SCRIB: variants seen among roughly 807,000 people sequenced by gnomAD.
The protein encoded by SCRIB is scribble planar cell polarity protein.
In SCRIB, 72 loss-of-function variants were observed where a neutral mutation model predicts 170.0. The observed-to-expected ratio is 0.42, with a 90% CI of 0.35 to 0.52. The LOEUF (loss-of-function observed/expected upper bound fraction) is 0.52, where lower values mean the gene tolerates loss of function less well. Ranked by LOEUF, SCRIB falls within the 20% of genes least tolerant of loss-of-function variation. The pLI is 0.02. For missense variants in SCRIB, 2,475 were observed against 2,338.5 expected, an observed-to-expected ratio of 1.06 and a Z score of -1.20; for synonymous variants, 1,298 against 1,044.3, an observed-to-expected ratio of 1.24 and a Z score of -4.68.
In SCRIB at chr8:143,792,298, G is replaced by C. The variant is rs782761554; in HGVS notation, c.4436C>G (p.Pro1479Arg). 10 of 1,559,212 alleles carry C rather than the reference G, an allele frequency of 6.4e-6. No homozygotes were observed. Among genetic ancestry groups the C allele is most frequent in the Non-Finnish European group, 7.8e-6 (9 of 1,160,020 alleles). The change falls in exon 32 of 37, where the codon CCG (proline) becomes CGG (arginine). Residue 1479 changes from proline to arginine, a missense_variant. This residue lies in a region of SCRIB where 1,966 missense variants were observed against 1,742.9 expected (regional missense o/e 1.13). Transcript: ENST00000356994. ...ERLRVQSPEP[P>R]APERALSPAE... ...AGGGGACAGGGCACGCTCGGGTGCC[G>C]GTGGCTCCGGACTCTGCACGCGCAG...
In SCRIB at chr8:143,795,129, C is replaced by T. The variant is rs782813752; in HGVS notation, c.3772-17G>A. The T allele has an allele frequency of 3.1e-6, 5 of 1,609,940 alleles. No homozygotes were observed. In the Admixed American group the frequency reaches 8.4e-5, roughly 27 times the overall value. On this transcript the variant is annotated splice_polypyrimidine_tract_variant and intron_variant, in intron 26 of 36. Coordinates refer to ENST00000356994, the MANE Select transcript of SCRIB (RefSeq NM_182706.5). Reference sequence around the variant, plus strand: ...ACCCCGACCCTGGGGGCAGAGTGAACACAGCACTAGCAGGGGTAGCTCCGT... The same window carrying T: ...ACCCCGACCCTGGGGGCAGAGTGAATACAGCACTAGCAGGGGTAGCTCCGT...
In SCRIB at chr8:143,795,116, G is replaced by T; in HGVS notation, c.3772-4C>A. 6.2e-7 allele frequency: 1 copy of T among 1,610,894 alleles called. No individual in the cohort carries two copies. The highest frequency in any genetic ancestry group is 1.3e-5 in the African/African-American group (1 of 75,000). ...TCAGGGGCTGCAGACCCCGACCCTG[G>T]GGGCAGAGTGAACACAGCACTAGCA... On this transcript the variant is annotated splice_region_variant and splice_polypyrimidine_tract_variant and intron_variant, in intron 26 of 36. Coordinates refer to ENST00000356994, the MANE Select transcript of SCRIB (RefSeq NM_182706.5).
At chr8:143,814,859 G>A (rs200620243) in intron 1 of SCRIB, 2 of 276,330 alleles carry the variant, frequency 7.2e-6, no homozygotes, top group Non-Finnish European at 1.4e-5. Context: ...AAGGAGAGGA[G>A]GTCTGGACCC....
intron 14 of SCRIB, 87 bp downstream of exon 14, chr8:143,809,464 C>T: frequency 6.8e-7 from 1 of 1,474,436 alleles, no homozygotes; most frequent in Non-Finnish European, 9.2e-7. Context: ...CTGCCTGCAC[C>T]AAAACCGATC....
At chr8:143,807,745 C>G (rs556588889) in intron 15 of SCRIB, 131 bp from the exon 16 acceptor site, 12 of 751,902 alleles carry the variant, frequency 1.6e-5, no homozygotes, top group East Asian at 1.0e-4. Context: ...TGCCCTGGCA[C>G]GGGCGCCTCC....
chr8:143,803,366 G>A lies in SCRIB; in HGVS notation c.3603+17C>T, dbSNP rs531900268. 53 of 1,543,378 alleles carry A rather than the reference G, an allele frequency of 3.4e-5. No individual in the cohort carries two copies. The South Asian group carries it at 4.2e-4, about 12-fold the overall frequency. ...TGGGCCAGAGGGAGGCCCGGTCCCC[G>A]GGGCGGGATCGCTAACCTCCAGGGC... is the stretch of plus-strand genomic sequence containing the variant. On this transcript the variant is annotated intron_variant, in intron 24 of 36. Transcript: ENST00000356994.
Position 143,792,503 on chromosome 8 carries a change from C to T in SCRIB, c.4310G>A (p.Ser1437Asn), listed in dbSNP as rs1338922997. ...TGCTCACCTTGAGGTGGGGCTCGGG[C>T]TGGCCCAGGGTGGCTGCTCATCCTC... ...EQEDEQPPWA[S>N]PSPTSRQSPA... is the part of the protein sequence containing the mutation. The change falls in exon 31 of 37, where the codon AGC becomes AAC. Residue 1437 changes from serine to asparagine, a missense_variant. Ser to Asn is a conservative substitution (Grantham distance 46). This residue lies in a region of SCRIB where 1,966 missense variants were observed against 1,742.9 expected (regional missense o/e 1.13). Transcript: ENST00000356994. The T allele has an allele frequency of 1.7e-5, 26 of 1,550,336 alleles. No individual in the cohort carries two copies. The highest frequency in any genetic ancestry group is 2.3e-5 in the Non-Finnish European group (26 of 1,154,182).
Position 143,804,255 on chromosome 8 carries a change from G to A in SCRIB, c.3010-99C>T, listed in dbSNP as rs1297661158. The stretch of plus-strand genomic sequence containing the variant: ...CCGTCCCGGTCCTTGGGGATGGCGG[G>A]CGGGGGCTGCCCTAATGCCCACGGG... On this transcript the variant is annotated intron_variant, in intron 21 of 36. Transcript: ENST00000356994. 13 of 910,444 alleles carry A rather than the reference G, an allele frequency of 1.4e-5. No homozygotes were observed. In the Admixed American group the frequency reaches 3.7e-4, roughly 26 times the overall value. The allele number at this position is 910,444 out of a possible 1,614,324, so 56.4% of individuals were successfully genotyped here.
chr8:143,815,132 A>G (rs2130176489), intron 1 of SCRIB, 82 bp downstream of exon 1: 1 of 1,386,348 alleles, frequency 7.2e-7, no homozygotes, highest in Non-Finnish European at 9.4e-7. Context: ...GGCTGCGGTG[A>G]CTCGCCCGGG....
At chr8:143,809,456 G>A (rs1815601775) in intron 14 of SCRIB, 95 bp downstream of exon 14, 1 of 1,392,414 alleles carries the variant, frequency 7.2e-7, no homozygotes, top group East Asian at 2.3e-5. Context: ...CCCAGGCACT[G>A]CCTGCACCAA....
rs1267230125 is a variant in SCRIB at position 143,812,297 on chromosome 8, G to C, written c.875C>G (p.Ser292Cys). The change falls in exon 9 of 37, where the codon TCT (serine) becomes TGT (cysteine). Residue 292 changes from serine (S) to cysteine (C), a missense_variant. Ser to Cys is a moderately radical substitution (Grantham distance 112). This residue lies in a region of SCRIB where 487 missense variants were observed against 558.1 expected (regional missense o/e 0.87). Coordinates refer to ENST00000356994, the MANE Select transcript of SCRIB (RefSeq NM_182706.5). The stretch of plus-strand genomic sequence containing the variant: ...CAGGTTCTCCGTGAGGATCAGCTCA[G>C]AGAGGTTCTCACAGTCCCCGATGGC... ...TEAIGDCENL[S>C]ELILTENLLM... 2 of 1,612,686 alleles carry C rather than the reference G, an allele frequency of 1.2e-6. No homozygotes were observed. The highest frequency in any genetic ancestry group is 1.3e-5 in the African/African-American group (1 of 74,846).
In SCRIB at chr8:143,815,570, G is replaced by A. The variant is rs1412086854; in HGVS notation, c.-198C>T. ...CGGAACGCTCGGACTGCGGGCCTGGGCAGGGGGCGCGGCCCGGCGGGTCTC... is the reference window on the plus strand; with the variant it reads ...CGGAACGCTCGGACTGCGGGCCTGGACAGGGGGCGCGGCCCGGCGGGTCTC... On this transcript the variant is annotated 5_prime_UTR_variant, in exon 1 of 37. Transcript: ENST00000356994. The A allele has an allele frequency of 4.1e-6, 4 of 981,784 alleles. No homozygotes were observed. Among genetic ancestry groups the A allele is most frequent in the Non-Finnish European group, 4.8e-6 (4 of 828,496 alleles). 60.8% of individuals were successfully genotyped at this position (981,784 alleles called of 1,614,324 possible).
rs1814712284 is a variant in SCRIB at position 143,792,085 on chromosome 8, G to A, written c.4563C>T (p.Ser1521=). 1.3e-6 allele frequency: 2 copies of A among 1,594,252 alleles called. No individual in the cohort carries two copies. Among genetic ancestry groups the A allele is most frequent in the Non-Finnish European group, 1.7e-6 (2 of 1,176,270 alleles). The part of the protein sequence containing the change: ...QDALRAQMVL[S]RSQEGRGTRG... ...GCGTGCCCCGGCCTTCCTGGGACCT[G>A]CTGAGGACCATCTGTGCTCGGAGAG... is the stretch of plus-strand genomic sequence containing the variant. The change falls in exon 33 of 37, where the codon AGC becomes AGT. Residue 1521 remains serine (S), a synonymous_variant. Transcript: ENST00000356994.
Position 143,815,419 on chromosome 8 carries a change from C to A in SCRIB, c.-47G>T. On this transcript the variant is annotated 5_prime_UTR_variant, in exon 1 of 37. Coordinates refer to ENST00000356994, the MANE Select transcript of SCRIB (RefSeq NM_182706.5). ...CTCCGGCGGCGGCGCTCGGCGGGCTCGGGGCCGGGGGGCGGGGCTCAGTCC... is the reference window on the plus strand; with the variant it reads ...CTCCGGCGGCGGCGCTCGGCGGGCTAGGGGCCGGGGGGCGGGGCTCAGTCC... 1.8e-6 allele frequency: 2 copies of A among 1,102,892 alleles called. No homozygotes were observed. The allele number at this position is 1,102,892 out of a possible 1,614,324, so 68.3% of individuals were successfully genotyped here.
chr8:143,791,128 C>G lies in SCRIB; in HGVS notation c.*35G>C. 1 of 1,384,654 alleles carries G rather than the reference C, an allele frequency of 7.2e-7. No homozygotes were observed. Among genetic ancestry groups the G allele is most frequent in the Non-Finnish European group, 9.4e-7 (1 of 1,069,282 alleles). The allele number at this position is 1,384,654 out of a possible 1,614,324, so 85.8% of individuals were successfully genotyped here. On this transcript the variant is annotated 3_prime_UTR_variant, in exon 37 of 37. Transcript: ENST00000356994. ...AAGGGTGGTGCTGGAGCTGGCAGGG[C>G]CCCCACCCCAAGTCTGGGGGAGGTG...
At chr8:143,791,622 CACGGACAG>C (rs782085855) in intron 35 of SCRIB, 36 bp downstream of exon 35, 19 of 1,550,180 alleles carry the variant, frequency 1.2e-5, no homozygotes, top group South Asian at 4.5e-5. Context: ...CGGTGGCAGG[CACGGACAG>C]GGTGGCAGGC....
intron 24 of SCRIB, among the ~76,000 whole-genome samples, chr8:143,801,854 T>C (rs930777295): frequency 1.3e-5 from 2 of 151,906 alleles, no homozygotes; most frequent in Non-Finnish European, 2.9e-5. Context: ...CTGGCCAGAG[T>C]GTGAGGTCTG....
In SCRIB at chr8:143,815,466, AG is replaced by A. The variant is rs1249368311; in HGVS notation, c.-95del. On this transcript the variant is annotated 5_prime_UTR_variant, in exon 1 of 37. Transcript: ENST00000356994. ...GTCCGCATGGGCGCCGCGCATGGGG[AG>A]GGGGCGCAGGCAGGGGGCGGGCCGC... 2.6e-5 allele frequency: 20 copies of A among 769,356 alleles called. No individual in the cohort carries two copies. Among genetic ancestry groups the A allele is most frequent in the South Asian group, 6.1e-5 (1 of 16,496 alleles). The allele number at this position is 769,356 out of a possible 1,614,324, so 47.7% of individuals were successfully genotyped here.
intron 1 of SCRIB, 128 bp from the exon 2 acceptor site, chr8:143,814,246 T>C: frequency 5.3e-6 from 4 of 757,242 alleles, no homozygotes; most frequent in South Asian, 5.2e-5. Flanking sequence ...CACCGGGTCC[T>C]GGGGTCTAAC....
Sources: gnomAD v4.1 joint callset for allele counts (sites outside exome capture counted in the v4.1 genomes callset) on GRCh38, gnomAD v4.1.1 for gene constraint, gnomAD v4.1.1 regional missense constraint, MANE v1.5 for transcripts, NCBI Gene and HGNC (gene_info 2026-07-23, HGNC 2026-07-21) for gene names.